STK32A: variants seen among roughly 807,000 people sequenced by gnomAD.
STK32A encodes the protein serine/threonine kinase 32A, also known as serine/threonine-protein kinase 32A.
Under a neutral mutation model 53.2 loss-of-function variants are expected in STK32A, and 41 were observed. The observed-to-expected ratio is 0.77, with a 90% CI of 0.60 to 1.00. The LOEUF (loss-of-function observed/expected upper bound fraction) is 1.00. Among genes scored for constraint, STK32A ranks in the 50% least tolerant of loss-of-function variants. The pLI is 0.00. For synonymous variants in STK32A, 166 were observed against 162.8 expected (o/e 1.02, Z -0.15); for missense variants, 458 against 485.8 (o/e 0.94, Z 0.54).
chr5:147,329,981 G>T (rs1482037291), intron 5 of STK32A, among the ~76,000 whole-genome samples: 1 of 152,214 alleles, frequency 6.6e-6, no homozygotes, highest in African/African-American at 2.4e-5. Context: ...ATTCCTCTGT[G>T]CATCCACAAC....
At chr5:147,338,548 T>C (rs1161464484) in intron 5 of STK32A, among the ~76,000 whole-genome samples, 1 of 152,174 alleles carries the variant, frequency 6.6e-6, no homozygotes, top group Non-Finnish European at 1.5e-5. Flanking sequence ...AGGCAGGGGT[T>C]GGAACAGTTT....
At chr5:147,357,238 G>T (rs1662748416) in intron 7 of STK32A, among the ~76,000 whole-genome samples, 1 of 151,980 alleles carries the variant, frequency 6.6e-6, no homozygotes, top group Non-Finnish European at 1.5e-5. Context: ...ATATTAACTT[G>T]TACTTGCTCT....
chr5:147,276,440 A>G (rs1393588745), intron 2 of STK32A, among the ~76,000 whole-genome samples: 1 of 152,236 alleles, frequency 6.6e-6, no homozygotes, highest in East Asian at 1.9e-4. Context: ...TTCATAACTC[A>G]TTAATGGGTT....
chr5:147,337,292 C>T (rs1245676621), intron 5 of STK32A, among the ~76,000 whole-genome samples: 2 of 152,274 alleles, frequency 1.3e-5, no homozygotes, highest in African/African-American at 4.8e-5. Context: ...TTTATCACCC[C>T]CAAAATTCCA....
intron 6 of STK32A, 68 bp from the exon 7 acceptor site, chr5:147,350,997 T>G (rs1755945670): frequency 7.1e-7 from 1 of 1,409,442 alleles, no homozygotes; most frequent in East Asian, 2.3e-5. Flanking sequence ...TGTTTTCAGT[T>G]AAAAGCATGA....
At chr5:147,259,454 T>TATACCTAC (rs1012776620) in intron 2 of STK32A, among the ~76,000 whole-genome samples, 11 of 152,244 alleles carry the variant, frequency 7.2e-5, no homozygotes, top group Non-Finnish European at 1.0e-4. Flanking sequence ...TGCCCTTGTT[T>TATACCTAC]ATACTTACAA....
intron 2 of STK32A, 110 bp downstream of exon 2, chr5:147,239,796 A>T: frequency 2.5e-6 from 2 of 798,572 alleles, no homozygotes; most frequent in Non-Finnish European, 4.0e-6. Context: ...GCCTTGAAGG[A>T]AAAAGGCAAA....
At chr5:147,283,294 G>A (rs778934389) in intron 4 of STK32A, among the ~76,000 whole-genome samples, 3 of 151,842 alleles carry the variant, frequency 2.0e-5, no homozygotes, top group Non-Finnish European at 2.9e-5. Flanking sequence ...CAGCAAAGGC[G>A]GTGCTAAAAG....
chr5:147,334,208 C>A (rs1037613709), intron 5 of STK32A, among the ~76,000 whole-genome samples: 6 of 152,184 alleles, frequency 3.9e-5, no homozygotes, highest in African/African-American at 1.4e-4. Context: ...AATCGTTATA[C>A]CTCAGGGATG....
intron 4 of STK32A, among the ~76,000 whole-genome samples, chr5:147,305,422 A>C (rs1208946837): frequency 6.6e-6 from 1 of 152,120 alleles, no homozygotes; most frequent in Admixed American, 6.5e-5. Context: ...AGAATGAGCC[A>C]GGAAAGCGCG....
intron 5 of STK32A, 72 bp from the exon 6 acceptor site, chr5:147,342,934 C>T: frequency 1.4e-6 from 2 of 1,462,324 alleles, no homozygotes; most frequent in South Asian, 2.3e-5. Flanking sequence ...TTTCTTAAGC[C>T]TTTTTGCCCC....
chr5:147,395,470 G>T, the STK32A span: 1 of 1,491,458 alleles, frequency 6.7e-7, no homozygotes, highest in Non-Finnish European at 9.1e-7. Context: ...ACTCCTTCAG[G>T]TTGAGTTCTG....
Position 147,366,093 on chromosome 5 carries a change from G to A in STK32A, c.660+4479G>A, listed in dbSNP as rs539437608. Among the ~76,000 whole-genome samples the A allele has an allele frequency of 1.1e-4, 16 of 151,366 alleles. No homozygotes were observed. The South Asian group carries it at 2.5e-3, about 24-fold the overall frequency. On this transcript the variant is annotated intron_variant, in intron 8 of 12. Coordinates refer to ENST00000397936, the MANE Select transcript of STK32A (RefSeq NM_001112724.2). ...CTTCACAAGCCTTATCTGCACCCCC[G>A]CCCACTCCCCACAACAAACTTCAGA...
intron 2 of STK32A, among the ~76,000 whole-genome samples, chr5:147,247,692 T>G (rs937066764): frequency 6.6e-6 from 1 of 152,220 alleles, no homozygotes; most frequent in Admixed American, 6.5e-5. Flanking sequence ...AAAAGCACAC[T>G]TAGACAATGC....
intron 1 of STK32A, among the ~76,000 whole-genome samples, chr5:147,238,806 AAC>A (rs34994752): frequency 0.3 from 46,147 of 151,442 alleles, 7,777 homozygotes; most frequent in Admixed American, 0.38. Context: ...TATATAATAC[AAC>A]AGAGTTGATA....
At chr5:147,329,635 A>T (rs954415449) in intron 5 of STK32A, among the ~76,000 whole-genome samples, 4 of 151,236 alleles carry the variant, frequency 2.6e-5, no homozygotes, top group African/African-American at 9.9e-5. Flanking sequence ...GCCTGCATGC[A>T]CGTGCACGCA....
At chr5:147,356,513 G>A (rs2151995947) in intron 7 of STK32A, among the ~76,000 whole-genome samples, 1 of 152,248 alleles carries the variant, frequency 6.6e-6, no homozygotes, top group South Asian at 2.1e-4. Flanking sequence ...ATAGGGGTCT[G>A]ATGCCAGAGC....
chr5:147,375,381 C>T lies in STK32A; in HGVS notation c.1032+163C>T, dbSNP rs377742186. On this transcript the variant is annotated intron_variant, in intron 11 of 12. Coordinates refer to ENST00000397936, the MANE Select transcript of STK32A (RefSeq NM_001112724.2). ...TTTCTAAAAGGGCAGACCAGAGCTC[C>T]TCTGAGGATCCTAGCAGCAACATTT... is the stretch of plus-strand genomic sequence containing the variant. 2.4e-4 allele frequency: 180 copies of T among 739,988 alleles called. 1 individual carries two copies. In the African/African-American group the frequency reaches 2.7e-3, roughly 11 times the overall value. The allele number at this position is 739,988 out of a possible 1,614,324, so 45.8% of individuals were successfully genotyped here.
intron 8 of STK32A, 118 bp downstream of exon 8, chr5:147,361,732 C>A: frequency 1.3e-6 from 1 of 767,376 alleles, no homozygotes; most frequent in Non-Finnish European, 2.2e-6. Flanking sequence ...TCAGCTATGC[C>A]ATGTGATGTT....
Sources: allele counts gnomAD v4.1 joint callset (sites outside exome capture counted in the v4.1 genomes callset), GRCh38; gene constraint gnomAD v4.1.1; transcripts MANE v1.5; gene names NCBI Gene and HGNC (gene_info 2026-07-23, HGNC 2026-07-21).